Variants in AGPS observed in about 807,000 individuals in gnomAD.
AGPS encodes alkyldihydroxyacetonephosphate synthase, peroxisomal.
Under a neutral mutation model 90.7 loss-of-function variants are expected in AGPS, and 26 were observed. That is an observed-to-expected ratio of 0.29 (90% CI 0.21 to 0.40). The LOEUF is 0.40. AGPS is among the 10% of genes least tolerant of loss of function. The probability of loss-of-function intolerance (pLI) is 1.00; values close to 1 mark genes in which losing one functional copy is unlikely to be tolerated. For synonymous variants in AGPS, 294 were observed against 285.3 expected (o/e 1.03, Z -0.31); for missense variants, 540 against 816.1 (o/e 0.66, Z 4.12).
In AGPS at chr2:177,412,135, C is replaced by T. The variant is rs775661744; in HGVS notation, c.261-8134C>T. 1.9e-4 allele frequency among the ~76,000 whole-genome samples: 29 copies of T among 151,822 alleles called. 1 individual carries two copies. Among genetic ancestry groups the T allele is most frequent in the Non-Finnish European group, 3.4e-4 (23 of 67,960 alleles). On this transcript the variant is annotated intron_variant, in intron 1 of 19. Transcript: ENST00000264167. The stretch of plus-strand genomic sequence containing the variant: ...TTTGGAGATACAACTTGCTCCAATA[C>T]GTGGGAAAGGAAATGAAAGTCTGAA...
At chr2:177,478,478 A>C (rs575485305) in intron 10 of AGPS, among the ~76,000 whole-genome samples, 1 of 152,200 alleles carries the variant, frequency 6.6e-6, no homozygotes, top group Non-Finnish European at 1.5e-5. Context: ...TACTCCCATT[A>C]CACGTAAATT....
At chr2:177,514,761 A>G (rs1688976774) in intron 17 of AGPS, among the ~76,000 whole-genome samples, 1 of 152,002 alleles carries the variant, frequency 6.6e-6, no homozygotes, top group South Asian at 2.1e-4. Flanking sequence ...ACCCTTTAGA[A>G]TTTGCTAAAT....
chr2:177,430,808 A>G (rs1210786441), intron 2 of AGPS, among the ~76,000 whole-genome samples: 2 of 152,150 alleles, frequency 1.3e-5, no homozygotes, highest in Non-Finnish European at 1.5e-5. Flanking sequence ...CTCAGTCCCT[A>G]TAGATTTCTA....
At chr2:177,536,257 T>C (rs1370961663) in intron 19 of AGPS, among the ~76,000 whole-genome samples, 3 of 152,062 alleles carry the variant, frequency 2.0e-5, no homozygotes, top group Non-Finnish European at 4.4e-5. Context: ...ATTACATCCA[T>C]AACCACAGGA....
intron 7 of AGPS, among the ~76,000 whole-genome samples, chr2:177,443,341 TA>T (rs1162009217): frequency 6.6e-6 from 1 of 152,240 alleles, no homozygotes; most frequent in African/African-American, 2.4e-5. Flanking sequence ...TCACTTTATG[TA>T]AAAGCTTCAT....
At chr2:177,414,577 G>T (rs547894164) in intron 1 of AGPS, among the ~76,000 whole-genome samples, 1 of 152,216 alleles carries the variant, frequency 6.6e-6, no homozygotes, top group South Asian at 2.1e-4. Context: ...TGTATATTTG[G>T]TTTACCATAT....
intron 9 of AGPS, among the ~76,000 whole-genome samples, chr2:177,465,081 G>T (rs184983862): frequency 6.6e-6 from 1 of 152,244 alleles, no homozygotes; most frequent in East Asian, 1.9e-4. Flanking sequence ...AAGGCTTGAG[G>T]CCAGGAGTTG....
intron 2 of AGPS, among the ~76,000 whole-genome samples, chr2:177,429,342 T>C (rs1686172747): frequency 6.6e-6 from 1 of 152,230 alleles, no homozygotes; most frequent in African/African-American, 2.4e-5. Context: ...AGCCCAGTTC[T>C]CTGCCCTTGC....
chr2:177,401,000 G>T (rs1057192961), intron 1 of AGPS, among the ~76,000 whole-genome samples: 2 of 152,188 alleles, frequency 1.3e-5, no homozygotes, highest in Non-Finnish European at 2.9e-5. Flanking sequence ...CATATACTAT[G>T]GAGTGGATAT....
chr2:177,519,122 A>T (rs751167194), intron 17 of AGPS, among the ~76,000 whole-genome samples: 2 of 151,914 alleles, frequency 1.3e-5, no homozygotes, highest in African/African-American at 2.4e-5. Context: ...CTTATTCCTG[A>T]TGTCAGAATT....
At chr2:177,489,749 TAGCAGGAAAG>T (rs1198141202) in intron 11 of AGPS, among the ~76,000 whole-genome samples, 1 of 152,236 alleles carries the variant, frequency 6.6e-6, no homozygotes, top group Non-Finnish European at 1.5e-5. Context: ...ACATTTATCG[TAGCAGGAAAG>T]AAATCAATTA....
intron 6 of AGPS, among the ~76,000 whole-genome samples, chr2:177,441,803 A>G (rs1686611032): frequency 6.6e-6 from 1 of 152,202 alleles, no homozygotes; most frequent in South Asian, 2.1e-4. Flanking sequence ...TTTTCCTTTG[A>G]CAGTAAATGT....
chr2:177,514,756 T>C (rs1156342016), intron 17 of AGPS, among the ~76,000 whole-genome samples: 2 of 152,132 alleles, frequency 1.3e-5, no homozygotes, highest in East Asian at 1.9e-4. Flanking sequence ...GAGATACCCT[T>C]TAGAATTTGC....
At position 177,542,664 on chromosome 2, in the gene AGPS, T is replaced by C. The variant is rs1377875084; in HGVS notation, c.*4469T>C. On this transcript the variant is annotated 3_prime_UTR_variant, in exon 20 of 20. Coordinates refer to ENST00000264167, the MANE Select transcript of AGPS (RefSeq NM_003659.4). ...ATATATACATGTTTTTAAGACAACC[T>C]TTTGTTGGCAGTGTTTTTCCTGAAC... 4 of 152,174 alleles carry C rather than the reference T, an allele frequency of 2.6e-5. No homozygotes were observed. The highest frequency in any genetic ancestry group is 4.4e-5 in the Non-Finnish European group (3 of 68,016). 9.4% of individuals were successfully genotyped at this position (152,174 alleles called of 1,614,324 possible).
intron 1 of AGPS, among the ~76,000 whole-genome samples, chr2:177,394,934 A>G (rs143055315): frequency 2.0e-5 from 3 of 152,250 alleles, no homozygotes; most frequent in African/African-American, 7.2e-5. Flanking sequence ...GAACTAAGGC[A>G]TATTATTGGG....
intron 17 of AGPS, 102 bp downstream of exon 17, chr2:177,514,010 T>G: frequency 1.1e-6 from 1 of 883,694 alleles, no homozygotes; most frequent in South Asian, 1.5e-5. Context: ...AGCTTCAGTC[T>G]ATTACATTTG....
intron 10 of AGPS, among the ~76,000 whole-genome samples, chr2:177,478,596 C>A (rs2105689182): frequency 6.6e-6 from 1 of 152,172 alleles, no homozygotes; most frequent in East Asian, 1.9e-4. Flanking sequence ...CATATTCATT[C>A]TTTTGCCAGA....
chr2:177,414,130 T>C (rs1364764850), intron 1 of AGPS, among the ~76,000 whole-genome samples: 1 of 152,216 alleles, frequency 6.6e-6, no homozygotes, highest in African/African-American at 2.4e-5. Context: ...CTTTCACTCA[T>C]TTATTCATGA....
chr2:177,538,019 A>C, intron 19 of AGPS, 55 bp from the exon 20 acceptor site: 1 of 1,603,246 alleles, frequency 6.2e-7, no homozygotes, highest in African/African-American at 1.3e-5. Context: ...CACAAGATTG[A>C]TTGGTTCCCA....
Sources: gnomAD v4.1 joint callset for allele counts (sites outside exome capture counted in the v4.1 genomes callset) on GRCh38, gnomAD v4.1.1 for gene constraint, MANE v1.5 for transcripts, NCBI Gene and HGNC (gene_info 2026-07-23, HGNC 2026-07-21) for gene names.